Variants in PPP4R3B observed in about 807,000 individuals in gnomAD.
PPP4R3B encodes protein phosphatase 4 regulatory subunit 3B.
A neutral mutation model predicts 95.4 loss-of-function variants in PPP4R3B; 52 were observed. The ratio of observed to expected loss-of-function variants is 0.54; its 90% CI spans 0.44 to 0.69. PPP4R3B has a LOEUF of 0.69. PPP4R3B is among the 30% of genes least tolerant of loss of function. PPP4R3B has a pLI of 0.00. For synonymous variants in PPP4R3B, 407 were observed against 343.9 expected (o/e 1.18, Z -2.03); for missense variants, 1,003 against 1,005.9 (o/e 1.00, Z 0.04).
chr2:55,599,621 C>A (rs1692274475), intron 3 of PPP4R3B, among the ~76,000 whole-genome samples: 1 of 152,160 alleles, frequency 6.6e-6, no homozygotes, highest in Non-Finnish European at 1.5e-5. Context: ...TACTACAACA[C>A]AATCTGATCA....
chr2:55,612,923 A>T (rs1373447531), intron 2 of PPP4R3B, among the ~76,000 whole-genome samples: 4 of 151,050 alleles, frequency 2.6e-5, no homozygotes, highest in Non-Finnish European at 5.9e-5. Flanking sequence ...TGCAGCATGG[A>T]CGACAGAGCG....
intron 16 of PPP4R3B, among the ~76,000 whole-genome samples, chr2:55,554,269 G>C (rs974361834): frequency 6.6e-6 from 1 of 152,096 alleles, no homozygotes; most frequent in Non-Finnish European, 1.5e-5. Flanking sequence ...GCCCAGGCTG[G>C]TCTCGAGCTC....
chr2:55,591,583 T>A (rs1339988362), intron 4 of PPP4R3B: 2 of 983,990 alleles, frequency 2.0e-6, no homozygotes, highest in Non-Finnish European at 2.4e-6. Context: ...TACCTGAAAA[T>A]TTAATTTTTT....
At chr2:55,611,043 T>C (rs973240850) in intron 2 of PPP4R3B, among the ~76,000 whole-genome samples, 2 of 152,134 alleles carry the variant, frequency 1.3e-5, no homozygotes, top group Admixed American at 6.5e-5. Context: ...TTTATATTTT[T>C]TGCAGTGAGA....
chr2:55,596,169 G>T (rs2586965), intron 4 of PPP4R3B, among the ~76,000 whole-genome samples: 142,027 of 152,254 alleles, frequency 0.93, 66,825 homozygotes, highest in African/African-American at 0.98. Flanking sequence ...TTTACCCATT[G>T]AGAAAAAAAA....
At chr2:55,609,235 T>C (rs899403891) in intron 2 of PPP4R3B, among the ~76,000 whole-genome samples, 1 of 152,068 alleles carries the variant, frequency 6.6e-6, no homozygotes, top group African/African-American at 2.4e-5. Flanking sequence ...CATCACGAAC[T>C]ATAGCCTCAA....
At chr2:55,572,628 T>C (rs1014511036) in intron 12 of PPP4R3B, among the ~76,000 whole-genome samples, 2 of 152,176 alleles carry the variant, frequency 1.3e-5, no homozygotes, top group African/African-American at 2.4e-5. Flanking sequence ...GGCAGCTATA[T>C]GGTAAATTAA....
intron 4 of PPP4R3B, among the ~76,000 whole-genome samples, chr2:55,589,344 A>AAAG (rs1553474266): frequency 2.4e-5 from 1 of 41,942 alleles, no homozygotes; most frequent in Non-Finnish European, 4.6e-5. Flanking sequence ...CAGATTAGAA[A>AAAG]AACAAGAATT....
chr2:55,586,403 G>T (rs1202865936), intron 6 of PPP4R3B, among the ~76,000 whole-genome samples: 3 of 151,996 alleles, frequency 2.0e-5, no homozygotes, highest in Admixed American at 6.6e-5. Flanking sequence ...AAAACGTGGG[G>T]TTTTTTTATT....
chr2:55,588,285 G>C (rs561473947), intron 5 of PPP4R3B, among the ~76,000 whole-genome samples: 3 of 152,044 alleles, frequency 2.0e-5, no homozygotes, highest in South Asian at 2.1e-4. Context: ...AGGCCAAGGC[G>C]GGGGGATCAC....
Position 55,588,139 on chromosome 2 carries a change from T to C in PPP4R3B, c.999+740A>G, listed in dbSNP as rs1008233342. ...TATATCTCAAAGAAAATGCTTACAA[T>C]AAAAAATAAAAAATTTCCAAAGAAC... On this transcript the variant is annotated intron_variant, in intron 5 of 16. Coordinates refer to ENST00000616407, the MANE Select transcript of PPP4R3B (RefSeq NM_001122964.3). 3.9e-5 allele frequency among the ~76,000 whole-genome samples: 6 copies of C among 152,122 alleles called. 1 individual carries two copies. The highest frequency in any genetic ancestry group is 2.0e-4 in the Admixed American group (3 of 15,266).
At chr2:55,585,521 G>A (rs914806007) in intron 6 of PPP4R3B, among the ~76,000 whole-genome samples, 14 of 152,124 alleles carry the variant, frequency 9.2e-5, no homozygotes, top group Non-Finnish European at 1.5e-4. Flanking sequence ...ACGTCTCCTA[G>A]CTAAGACTTC....
At chr2:55,595,737 T>C (rs1406171692) in intron 4 of PPP4R3B, among the ~76,000 whole-genome samples, 1 of 76,262 alleles carries the variant, frequency 1.3e-5, no homozygotes, top group African/African-American at 3.8e-5. Flanking sequence ...CAAAAGTACA[T>C]GAAAAAAAAA....
chr2:55,572,119 T>C (rs192084934), intron 12 of PPP4R3B, among the ~76,000 whole-genome samples: 4 of 152,218 alleles, frequency 2.6e-5, no homozygotes, highest in African/African-American at 4.8e-5. Flanking sequence ...CATTTCAAAG[T>C]ATATGTGCAA....
chr2:55,597,893 A>G (rs1373730423), intron 4 of PPP4R3B, among the ~76,000 whole-genome samples: 2 of 152,342 alleles, frequency 1.3e-5, no homozygotes, highest in African/African-American at 4.8e-5. Flanking sequence ...ACTAAATTGT[A>G]TAAAAAGCTA....
chr2:55,550,553 G>A (rs1423140186), intron 16 of PPP4R3B, among the ~76,000 whole-genome samples: 5 of 152,176 alleles, frequency 3.3e-5, no homozygotes, highest in African/African-American at 7.2e-5. Flanking sequence ...AGAACAATAA[G>A]GATGAGGTAA....
intron 11 of PPP4R3B, 112 bp from the exon 12 acceptor site, chr2:55,573,889 T>TTC (rs1553467410): frequency 3.7e-6 from 2 of 540,020 alleles, no homozygotes; most frequent in Non-Finnish European, 5.2e-6. Flanking sequence ...TTTCCTCCTT[T>TTC]TTTTTTTTTT....
At chr2:55,611,079 C>T (rs904389362) in intron 2 of PPP4R3B, among the ~76,000 whole-genome samples, 1 of 152,044 alleles carries the variant, frequency 6.6e-6, no homozygotes, top group East Asian at 1.9e-4. Context: ...CCAGGCTGGT[C>T]TTGAACTCCT....
rs553002891 is a variant in PPP4R3B at position 55,554,615 on chromosome 2, G to T, written c.2454+4160C>A. 1.4e-4 allele frequency among the ~76,000 whole-genome samples: 21 copies of T among 152,334 alleles called. No homozygotes were observed. In the South Asian group the frequency reaches 4.3e-3, roughly 32 times the overall value. On this transcript the variant is annotated intron_variant, in intron 16 of 16. Transcript: ENST00000616407. The stretch of plus-strand genomic sequence containing the variant: ...TAAAACGGGGTTGTCATGCTGAGGT[G>T]TAAGAGTTCTTTATATATTCTGGAT...
Sources: gnomAD v4.1 joint callset for allele counts (sites outside exome capture counted in the v4.1 genomes callset) on GRCh38, gnomAD v4.1.1 for gene constraint, MANE v1.5 for transcripts, NCBI Gene and HGNC (gene_info 2026-07-23, HGNC 2026-07-21) for gene names.